ZNF385D: variants seen among roughly 807,000 people sequenced by gnomAD.
ZNF385D encodes the protein zinc finger protein 385D.
Under a neutral mutation model 35.8 loss-of-function variants are expected in ZNF385D, and 15 were observed. The observed-to-expected ratio is 0.42, with a 90% CI of 0.28 to 0.64. The LOEUF (loss-of-function observed/expected upper bound fraction) is 0.64, where lower values mean the gene tolerates loss of function less well. ZNF385D is among the 30% of genes least tolerant of loss of function. The probability of loss-of-function intolerance (pLI) is 0.23; values close to 1 mark genes in which losing one functional copy is unlikely to be tolerated. For missense variants in ZNF385D, 474 were observed against 494.6 expected (o/e 0.96, Z 0.39); for synonymous variants, 212 against 186.8 (o/e 1.13, Z -1.10).
chr3:22,327,690 C>T (rs1057038956), intron 2 of ZNF385D, among the ~76,000 whole-genome samples: 1 of 152,180 alleles, frequency 6.6e-6, no homozygotes, highest in African/African-American at 2.4e-5. Flanking sequence ...TGGAAGATTG[C>T]ATGCTGCTTG....
At chr3:21,964,585 G>T (rs1284785719) in intron 3 of ZNF385D, among the ~76,000 whole-genome samples, 7 of 143,576 alleles carry the variant, frequency 4.9e-5, no homozygotes, top group African/African-American at 1.8e-4. Context: ...TGCCTCCCAG[G>T]TTCAAGCGAT....
intron 4 of ZNF385D, among the ~76,000 whole-genome samples, chr3:21,484,701 G>C (rs1489369432): frequency 6.6e-6 from 1 of 152,098 alleles, no homozygotes; most frequent in African/African-American, 2.4e-5. Context: ...AGATTCTGAA[G>C]TGTCAGGGAG....
intron 5 of ZNF385D, among the ~76,000 whole-genome samples, chr3:21,429,290 A>G (rs1011292013): frequency 6.6e-6 from 1 of 152,084 alleles, no homozygotes; most frequent in Non-Finnish European, 1.5e-5. Context: ...AGTCTTTTAT[A>G]TTCTATTTGT....
At chr3:21,736,190 G>A (rs2069233857) in intron 1 of ZNF385D, among the ~76,000 whole-genome samples, 1 of 152,144 alleles carries the variant, frequency 6.6e-6, no homozygotes, top group Non-Finnish European at 1.5e-5. Flanking sequence ...CTTGCTTTAA[G>A]GAGTAAATGA....
chr3:22,283,142 TA>T (rs910971979), intron 2 of ZNF385D, among the ~76,000 whole-genome samples: 15 of 152,036 alleles, frequency 9.9e-5, no homozygotes, highest in African/African-American at 3.1e-4. Context: ...ATCACAATCC[TA>T]AATATATATG....
At chr3:21,589,236 C>T (rs929399972) in intron 2 of ZNF385D, among the ~76,000 whole-genome samples, 2 of 152,150 alleles carry the variant, frequency 1.3e-5, no homozygotes, top group Non-Finnish European at 2.9e-5. Context: ...GGGAGCATGT[C>T]GCTGCCTGAG....
At chr3:21,608,202 A>G (rs892284846) in intron 2 of ZNF385D, among the ~76,000 whole-genome samples, 3 of 151,344 alleles carry the variant, frequency 2.0e-5, no homozygotes, top group Admixed American at 2.0e-4. Context: ...GTAGAGATGG[A>G]GTTTCACCAT....
chr3:22,304,317 C>A (rs1006299786), intron 2 of ZNF385D, among the ~76,000 whole-genome samples: 2 of 152,096 alleles, frequency 1.3e-5, no homozygotes, highest in Non-Finnish European at 2.9e-5. Context: ...CAAAATCTTG[C>A]TGTTCCTGAT....
In ZNF385D at chr3:22,221,420, C is replaced by T. The variant is rs111229238; in HGVS notation, c.107-52385G>A. Reference sequence around the variant, plus strand: ...CATTTATTTTGAAGCAAATCCCAGACATAACATTTAATTAATTTATATGAT... The same window carrying T: ...CATTTATTTTGAAGCAAATCCCAGATATAACATTTAATTAATTTATATGAT... On this transcript the variant is annotated intron_variant, in intron 2 of 5. Transcript: ENST00000494108. 8.0e-3 allele frequency among the ~76,000 whole-genome samples: 1,210 copies of T among 152,166 alleles called. 12 individuals are homozygous for T. Among genetic ancestry groups the T allele is most frequent in the African/African-American group, 0.02 (828 of 41,532 alleles).
At chr3:22,127,484 C>T (rs539813106) in intron 3 of ZNF385D, among the ~76,000 whole-genome samples, 5 of 151,634 alleles carry the variant, frequency 3.3e-5, no homozygotes, top group Admixed American at 3.3e-4. Flanking sequence ...GGATTACAAG[C>T]ACCTGCCACC....
chr3:22,149,590 G>T (rs988905753), intron 3 of ZNF385D, among the ~76,000 whole-genome samples: 1 of 152,114 alleles, frequency 6.6e-6, no homozygotes, highest in African/African-American at 2.4e-5. Context: ...TTAAAGCCAC[G>T]ACCATAGAGG....
intron 3 of ZNF385D, among the ~76,000 whole-genome samples, chr3:21,544,464 A>T (rs1029023961): frequency 1.3e-5 from 2 of 152,314 alleles, no homozygotes; most frequent in Non-Finnish European, 2.9e-5. Context: ...AGGTTATAAG[A>T]AGGTGTGGAA....
At chr3:21,780,186 T>A (rs1031182512) in intron 3 of ZNF385D, among the ~76,000 whole-genome samples, 1 of 152,060 alleles carries the variant, frequency 6.6e-6, no homozygotes, top group African/African-American at 2.4e-5. Flanking sequence ...ATTTACTGTG[T>A]GCCAGGCACT....
At chr3:22,116,066 C>A (rs1472779796) in intron 3 of ZNF385D, among the ~76,000 whole-genome samples, 1 of 151,952 alleles carries the variant, frequency 6.6e-6, no homozygotes, top group Non-Finnish European at 1.5e-5. Context: ...AAAGTTCAAG[C>A]TTTGGAAACT....
chr3:22,130,158 C>T (rs1559392179), intron 3 of ZNF385D, among the ~76,000 whole-genome samples: 1 of 152,124 alleles, frequency 6.6e-6, no homozygotes, highest in Non-Finnish European at 1.5e-5. Flanking sequence ...CTGCTTGCTG[C>T]TTCATTTTTA....
chr3:22,044,299 T>C (rs944072063), intron 3 of ZNF385D, among the ~76,000 whole-genome samples: 2 of 151,982 alleles, frequency 1.3e-5, no homozygotes, highest in African/African-American at 4.8e-5. Flanking sequence ...TCTGAATTAA[T>C]TGGCAGTATT....
intron 7 of ZNF385D, among the ~76,000 whole-genome samples, chr3:21,423,459 A>G (rs540802937): frequency 5.1e-4 from 78 of 152,322 alleles, no homozygotes; most frequent in African/African-American, 1.7e-3. Flanking sequence ...CTGTTCATCA[A>G]TATTCATCTA....
intron 3 of ZNF385D, among the ~76,000 whole-genome samples, chr3:22,072,273 A>G (rs1434655001): frequency 6.6e-6 from 1 of 152,120 alleles, no homozygotes; most frequent in Non-Finnish European, 1.5e-5. Flanking sequence ...GGCGAAAGCC[A>G]TGTACAACAG....
At chr3:21,839,133 G>A (rs1296986410) in intron 3 of ZNF385D, among the ~76,000 whole-genome samples, 1 of 152,020 alleles carries the variant, frequency 6.6e-6, no homozygotes, top group Non-Finnish European at 1.5e-5. Flanking sequence ...TCAAAATTCT[G>A]TCCTTGGTCT....
Sources: gnomAD v4.1 joint callset for allele counts (sites outside exome capture counted in the v4.1 genomes callset) on GRCh38, gnomAD v4.1.1 for gene constraint, MANE v1.5 for transcripts, NCBI Gene and HGNC (gene_info 2026-07-23, HGNC 2026-07-21) for gene names.